The following PSPH variants were observed in gnomAD, a reference collection of about 807,000 sequenced individuals.
PSPH encodes the protein phosphoserine phosphatase.
PSPH carries 16 observed loss-of-function variants against 23.4 expected under a neutral mutation model. That is an observed-to-expected ratio of 0.68 (90% CI 0.46 to 1.04). The LOEUF is 1.04. Ranked by LOEUF, PSPH falls within the 50% of genes least tolerant of loss-of-function variation. The pLI is 0.00. For missense variants in PSPH, 223 were observed against 273.7 expected, an observed-to-expected ratio of 0.81 and a Z score of 1.31; for synonymous variants, 68 against 99.7, an observed-to-expected ratio of 0.68 and a Z score of 1.89.
chr7:56,046,751 T>G (rs1222892055), intron 1 of PSPH, among the ~76,000 whole-genome samples: 5 of 128,794 alleles, frequency 3.9e-5, no homozygotes, highest in Non-Finnish European at 6.2e-5. Context: ...ACCACTACAC[T>G]CCAGCCTGGG....
chr7:56,017,521 C>A (rs1024619109), intron 5 of PSPH, 142 bp from the exon 6 acceptor site: 1 of 1,475,842 alleles, frequency 6.8e-7, no homozygotes, highest in Non-Finnish European at 9.0e-7. Flanking sequence ...GGTATACTGC[C>A]TGGGGTGTTA....
rs1314859027 is a variant in PSPH at position 56,021,609 on chromosome 7, G to T, written c.-19-378C>A. 2.5e-4 allele frequency among the ~76,000 whole-genome samples: 36 copies of T among 142,674 alleles called. 1 individual carries two copies. Among genetic ancestry groups the T allele is most frequent in the East Asian group, 6.1e-4 (3 of 4,950 alleles). 93.6% of individuals were successfully genotyped at this position (142,674 alleles called of 152,430 possible). A position where few individuals can be genotyped will look rare whatever the true frequency, so the allele number is the denominator to read the frequency against. ...TTTTCTTTTAGATATATATATAGTT[G>T]TTTTTTTTTTTTCTACCTAATTGTA... is the stretch of plus-strand genomic sequence containing the variant. On this transcript the variant is annotated intron_variant, in intron 3 of 7. Transcript: ENST00000275605.
At chr7:56,017,652 C>A (rs558334500) in intron 5 of PSPH, among the ~76,000 whole-genome samples, 3 of 149,390 alleles carry the variant, frequency 2.0e-5, no homozygotes, top group African/African-American at 7.4e-5. Flanking sequence ...AGGGTTCCAG[C>A]GATTCTCCTC....
At chr7:56,048,268 A>G (rs1487422977) in intron 1 of PSPH, among the ~76,000 whole-genome samples, 1 of 148,778 alleles carries the variant, frequency 6.7e-6, no homozygotes, top group African/African-American at 2.5e-5. Flanking sequence ...CAAAAGAGCA[A>G]CACTCTGTCT....
intron 1 of PSPH, among the ~76,000 whole-genome samples, chr7:56,048,331 T>C (rs1793527593): frequency 6.8e-6 from 1 of 147,314 alleles, no homozygotes; most frequent in Non-Finnish European, 1.5e-5. Context: ...CAAATAACCC[T>C]AAAGTAAGGG....
At chr7:56,033,357 T>C (rs1791288298) in intron 2 of PSPH, 1 of 150,698 alleles carries the variant, frequency 6.6e-6, no homozygotes, top group African/African-American at 2.4e-5. Flanking sequence ...AATTAAAAAA[T>C]TAGTTAGGCA....
intron 3 of PSPH, 121 bp from the exon 4 acceptor site, chr7:56,021,352 T>C: frequency 1.2e-6 from 1 of 866,278 alleles, no homozygotes; most frequent in East Asian, 2.7e-5. Flanking sequence ...AAGAGTGTTC[T>C]CACAGATTCA....
chr7:56,036,811 G>C (rs1294730584), intron 1 of PSPH, among the ~76,000 whole-genome samples: 2 of 151,998 alleles, frequency 1.3e-5, no homozygotes, highest in Non-Finnish European at 2.9e-5. Flanking sequence ...CTAATGAGTG[G>C]TCACATACAA....
chr7:56,043,652 C>T (rs529579827), intron 1 of PSPH, among the ~76,000 whole-genome samples: 1 of 128,526 alleles, frequency 7.8e-6, no homozygotes, highest in Non-Finnish European at 1.7e-5. Context: ...CCCCTCCCCC[C>T]ACCCACCCCA....
chr7:56,015,662 A>T (rs778225939), intron 6 of PSPH, among the ~76,000 whole-genome samples: 27 of 151,914 alleles, frequency 1.8e-4, no homozygotes, highest in Admixed American at 3.9e-4. Flanking sequence ...TTAATTAATT[A>T]ATTAATTTAT....
At chr7:56,044,354 T>C (rs543859307) in intron 1 of PSPH, among the ~76,000 whole-genome samples, 5 of 152,044 alleles carry the variant, frequency 3.3e-5, no homozygotes, top group African/African-American at 7.2e-5. Flanking sequence ...GTGTACATCA[T>C]TGCAAAACTA....
chr7:56,050,816 G>A (rs1292018640), intron 1 of PSPH, among the ~76,000 whole-genome samples: 1 of 152,146 alleles, frequency 6.6e-6, no homozygotes, highest in Non-Finnish European at 1.5e-5. Context: ...AGAAGTGGGA[G>A]GAAGATTTAA....
At chr7:56,023,801 GA>G (rs943287866) in intron 3 of PSPH, among the ~76,000 whole-genome samples, 2 of 151,030 alleles carry the variant, frequency 1.3e-5, no homozygotes, top group African/African-American at 2.4e-5. Flanking sequence ...AGTTGACCTG[GA>G]AAAAAAAATA....
In PSPH at chr7:56,037,901, C is replaced by T. The variant is rs796234546; in HGVS notation, c.-291-3795G>A. 3.3e-5 allele frequency among the ~76,000 whole-genome samples: 5 copies of T among 151,124 alleles called. No individual in the cohort carries two copies. In the South Asian group the frequency reaches 8.4e-4, roughly 25 times the overall value. On this transcript the variant is annotated intron_variant, in intron 1 of 7. Transcript: ENST00000275605. ...CTAATTTTTGTATTTTTAGTACAGA[C>T]GGGGTTTCACCATGTTGGATAGGCT... is the stretch of plus-strand genomic sequence containing the variant.
intron 1 of PSPH, among the ~76,000 whole-genome samples, chr7:56,046,352 G>A (rs1290224140): frequency 6.6e-6 from 1 of 151,842 alleles, no homozygotes; most frequent in African/African-American, 2.4e-5. Flanking sequence ...TGGTCAGGCT[G>A]GTCTCGAACT....
At chr7:56,021,343 A>G in intron 3 of PSPH, 112 bp from the exon 4 acceptor site, 1 of 985,558 alleles carries the variant, frequency 1.0e-6, no homozygotes, top group South Asian at 1.4e-5. Context: ...AGGCCACATA[A>G]GAGTGTTCTC....
At chr7:56,015,473 A>G (rs1239542475) in intron 6 of PSPH, among the ~76,000 whole-genome samples, 1 of 152,088 alleles carries the variant, frequency 6.6e-6, no homozygotes, top group Non-Finnish European at 1.5e-5. Context: ...AAGTGCTGGG[A>G]TTACAGGTGT....
intron 1 of PSPH, among the ~76,000 whole-genome samples, chr7:56,049,251 T>C (rs1351896154): frequency 6.6e-6 from 1 of 151,882 alleles, no homozygotes. Flanking sequence ...AAACCCTGCT[T>C]GCATTAGGTA....
At chr7:56,028,212 G>A (rs1790482991) in intron 3 of PSPH, among the ~76,000 whole-genome samples, 1 of 152,074 alleles carries the variant, frequency 6.6e-6, no homozygotes, top group Non-Finnish European at 1.5e-5. Flanking sequence ...GTGGTCCCAA[G>A]GAGAAAACAG....
Sources: gnomAD v4.1 joint callset for allele counts (sites outside exome capture counted in the v4.1 genomes callset) on GRCh38, gnomAD v4.1.1 for gene constraint, MANE v1.5 for transcripts, NCBI Gene and HGNC (gene_info 2026-07-23, HGNC 2026-07-21) for gene names.